IFNA21: variants seen among roughly 807,000 people sequenced by gnomAD.
IFNA21 encodes interferon alpha-21.
For synonymous variants in IFNA21, 101 were observed against 82.9 expected, an observed-to-expected ratio of 1.22 and a Z score of -1.19; for missense variants, 272 against 212.7, an observed-to-expected ratio of 1.28 and a Z score of -1.73.
In IFNA21 at chr9:21,165,964, G is replaced by A; in HGVS notation, c.*79C>T. The A allele has an allele frequency of 6.6e-7, 1 of 1,505,940 alleles. No individual in the cohort carries two copies. The highest frequency in any genetic ancestry group is 9.0e-7 in the Non-Finnish European group (1 of 1,117,104). 93.3% of individuals were successfully genotyped at this position (1,505,940 alleles called of 1,614,324 possible). On this transcript the variant is annotated 3_prime_UTR_variant, in exon 1 of 1. Coordinates refer to ENST00000380225, the MANE Select transcript of IFNA21 (RefSeq NM_002175.2). ...CATGCGGTGGTTATAGGAGAAATGAGTCTTTGAAATGGCAGAAGTCATAGA... is the reference window on the plus strand; with the variant it reads ...CATGCGGTGGTTATAGGAGAAATGAATCTTTGAAATGGCAGAAGTCATAGA...
At position 21,166,649 on chromosome 9, in the gene IFNA21, G is replaced by C; in HGVS notation, c.-37C>G. On this transcript the variant is annotated 5_prime_UTR_variant, in exon 1 of 1. Coordinates refer to ENST00000380225, the MANE Select transcript of IFNA21 (RefSeq NM_002175.2). Reference sequence around the variant, plus strand: ...CAATATTGCTAGGCTACTTGAGATGGGTAACCTTGAACCTTGGCCTCTAGG... The same window carrying C: ...CAATATTGCTAGGCTACTTGAGATGCGTAACCTTGAACCTTGGCCTCTAGG... 5.6e-6 allele frequency: 9 copies of C among 1,593,222 alleles called. No individual in the cohort carries two copies. Among genetic ancestry groups the C allele is most frequent in the Non-Finnish European group, 6.8e-6 (8 of 1,169,730 alleles).
Position 21,166,349 on chromosome 9 carries a change from G to A in IFNA21, c.264C>T (p.Phe88=). The A allele has an allele frequency of 1.2e-6, 2 of 1,614,134 alleles. No individual in the cohort carries two copies. The highest frequency in any genetic ancestry group is 2.2e-5 in the East Asian group (1 of 44,878). ...ATGAGTCCTTTGTGCTGAAGAGATT[G>A]AAGGTCTGCTGGATCATCTCATGGA... ...SVLHEMIQQT[F]NLFSTKDSSA... Residue 88 remains phenylalanine, a synonymous_variant, in exon 1 of 1, where the codon TTC becomes TTT. Transcript: ENST00000380225.
Position 21,166,526 on chromosome 9 carries a change from G to A in IFNA21, c.87C>T (p.Thr29=), listed in dbSNP as rs1191598103. Residue 29 remains threonine, a synonymous_variant, in exon 1 of 1, where the codon ACC becomes ACT. Transcript: ENST00000380225. ...AGGCCCTCCTATTACCCAGGCTGTG[G>A]GTCTGAGGCAGATCACAGCCCAGAG... is the stretch of plus-strand genomic sequence containing the variant. ...ICSLGCDLPQ[T]HSLGNRRALI... 1.9e-5 allele frequency: 30 copies of A among 1,613,972 alleles called. No individual in the cohort carries two copies. The highest frequency in any genetic ancestry group is 1.1e-4 in the East Asian group (5 of 44,892).
At position 21,166,440 on chromosome 9, in the gene IFNA21, T is replaced by G. The variant is rs776380347; in HGVS notation, c.173A>C (p.Asp58Ala). ...AAACTCCTCCTGGGGGAATCCAAAGTCATGTCTGTCCTTCAGGCAGGAGAA... is the reference window on the plus strand; with the variant it reads ...AAACTCCTCCTGGGGGAATCCAAAGGCATGTCTGTCCTTCAGGCAGGAGAA... ...SPFSCLKDRH[D>A]FGFPQEEFDG... The change falls in exon 1 of 1, where the codon GAC (aspartate) becomes GCC (alanine). Residue 58 changes from aspartate to alanine, a missense_variant. Asp to Ala is a moderately radical substitution (Grantham distance 126). Transcript: ENST00000380225. The G allele has an allele frequency of 8.7e-6, 14 of 1,614,012 alleles. No homozygotes were observed. The African/African-American group carries it at 1.9e-4, about 22-fold the overall frequency.
In IFNA21 at chr9:21,166,161, G is replaced by T. The variant is rs1225464937; in HGVS notation, c.452C>A (p.Thr151Asn). Residue 151 changes from threonine to asparagine, a missense_variant, in exon 1 of 1, where the codon ACT (threonine) becomes AAT (asparagine). Transcript: ENST00000380225. The part of the protein sequence containing the change: ...LAVKKYFQRI[T>N]LYLTEKKYSP... ...GTATTTCTTCTCTGTCAGATAAAGA[G>T]TGATTCTTTGGAAGTATTTCTTCAC... is the stretch of plus-strand genomic sequence containing the variant. 6.2e-7 allele frequency: 1 copy of T among 1,614,174 alleles called. No homozygotes were observed. Among genetic ancestry groups the T allele is most frequent in the Non-Finnish European group, 8.5e-7 (1 of 1,180,026 alleles).
chr9:21,166,622 G>T lies in IFNA21; in HGVS notation c.-10C>A. 1 of 1,608,442 alleles carries T rather than the reference G, an allele frequency of 6.2e-7. No individual in the cohort carries two copies. The highest frequency in any genetic ancestry group is 8.5e-7 in the Non-Finnish European group (1 of 1,177,010). The stretch of plus-strand genomic sequence containing the variant: ...AAAAGGACAGGGCCATTGGGATGTT[G>T]CCAATATTGCTAGGCTACTTGAGAT... On this transcript the variant is annotated 5_prime_UTR_variant, in exon 1 of 1. Coordinates refer to ENST00000380225, the MANE Select transcript of IFNA21 (RefSeq NM_002175.2).
chr9:21,166,274 G>A lies in IFNA21; in HGVS notation c.339C>T (p.Asn113=), dbSNP rs773828951. 1.2e-6 allele frequency: 2 copies of A among 1,614,126 alleles called. No individual in the cohort carries two copies. The highest frequency in any genetic ancestry group is 2.2e-5 in the East Asian group (1 of 44,870). ...SLLEKFSTEL[N]QQLNDLEACV... is the part of the protein sequence containing the mutation. ...AGGCTTCCAGGTCATTCAGCTGCTG[G>A]TTAAGTTCAGTGGAAAATTTTTCTA... is the stretch of plus-strand genomic sequence containing the variant. Residue 113 remains asparagine (N), a synonymous_variant, in exon 1 of 1, where the codon AAC becomes AAT. Coordinates refer to ENST00000380225, the MANE Select transcript of IFNA21 (RefSeq NM_002175.2).
Position 21,166,531 on chromosome 9 carries a change from G to C in IFNA21, c.82C>G (p.Gln28Glu). Reference protein sequence around the residue: ...SICSLGCDLPQTHSLGNRRAL... With the variant: ...SICSLGCDLPETHSLGNRRAL... Reference sequence around the variant, plus strand: ...CTCCTATTACCCAGGCTGTGGGTCTGAGGCAGATCACAGCCCAGAGAACAG... The same window carrying C: ...CTCCTATTACCCAGGCTGTGGGTCTCAGGCAGATCACAGCCCAGAGAACAG... Residue 28 changes from glutamine (Q) to glutamate (E), a missense_variant, in exon 1 of 1, where the codon CAG (glutamine) becomes GAG (glutamate). Gln to Glu is a conservative substitution (Grantham distance 29). Transcript: ENST00000380225. 4 of 1,614,142 alleles carry C rather than the reference G, an allele frequency of 2.5e-6. No individual in the cohort carries two copies. Among genetic ancestry groups the C allele is most frequent in the Non-Finnish European group, 2.5e-6 (3 of 1,180,020 alleles).
Position 21,166,605 on chromosome 9 carries a change from A to T in IFNA21, c.8T>A (p.Leu3Gln). MALSFSLLMAVLV... is the reference protein window; with the variant it reads MAQSFSLLMAVLV... The stretch of plus-strand genomic sequence containing the variant: ...CACGGCCATCAGTAAAGAAAAGGAC[A>T]GGGCCATTGGGATGTTGCCAATATT... Residue 3 changes from leucine (L) to glutamine (Q), a missense_variant, in exon 1 of 1, where the codon CTG becomes CAG. Physicochemically the swap from Leu to Gln is moderately radical, Grantham distance 113. Transcript: ENST00000380225. The T allele has an allele frequency of 6.2e-7, 1 of 1,611,808 alleles. No homozygotes were observed. The highest frequency in any genetic ancestry group is 8.5e-7 in the Non-Finnish European group (1 of 1,178,734).
chr9:21,166,095 C>G lies in IFNA21; in HGVS notation c.518G>C (p.Arg173Thr). ...AAAAATTTTTGATAAAGAGAAGGAT[C>G]TCATGATTTCTGCTCTGACAACCTC... ...AWEVVRAEIM[R>T]SFSLSKIFQE... The change falls in exon 1 of 1, where the codon AGA becomes ACA. Residue 173 changes from arginine (R) to threonine (T), a missense_variant. Physicochemically the swap from Arg to Thr is moderately conservative, Grantham distance 71 (BLOSUM62 -1). Coordinates refer to ENST00000380225, the MANE Select transcript of IFNA21 (RefSeq NM_002175.2). The G allele has an allele frequency of 6.2e-7, 1 of 1,614,030 alleles. No homozygotes were observed. The highest frequency in any genetic ancestry group is 8.5e-7 in the Non-Finnish European group (1 of 1,179,992).
At position 21,165,938 on chromosome 9, in the gene IFNA21, T is replaced by C; in HGVS notation, c.*105A>G. 7.1e-7 allele frequency: 1 copy of C among 1,411,750 alleles called. No homozygotes were observed. The highest frequency in any genetic ancestry group is 2.3e-5 in the Admixed American group (1 of 42,708). 87.5% of individuals were successfully genotyped at this position (1,411,750 alleles called of 1,614,324 possible). On this transcript the variant is annotated 3_prime_UTR_variant, in exon 1 of 1. Coordinates refer to ENST00000380225, the MANE Select transcript of IFNA21 (RefSeq NM_002175.2). ...AAAGATCTGAAAATTTTGATTCAAC[T>C]CATGCGGTGGTTATAGGAGAAATGA...
At position 21,166,630 on chromosome 9, in the gene IFNA21, T is replaced by C; in HGVS notation, c.-18A>G. 1.2e-6 allele frequency: 2 copies of C among 1,605,708 alleles called. No individual in the cohort carries two copies. Among genetic ancestry groups the C allele is most frequent in the Non-Finnish European group, 1.7e-6 (2 of 1,175,536 alleles). ...AGGGCCATTGGGATGTTGCCAATAT[T>C]GCTAGGCTACTTGAGATGGGTAACC... On this transcript the variant is annotated 5_prime_UTR_variant, in exon 1 of 1. Transcript: ENST00000380225.
rs1819658401 is a variant in IFNA21, at chr9:21,166,020, T to A, written c.*23A>T. 10 of 1,609,228 alleles carry A rather than the reference T, an allele frequency of 6.2e-6. No homozygotes were observed. The Admixed American group carries it at 8.4e-5, about 14-fold the overall frequency. ...GGACTGGTGTATTAGTCAATACAGA[T>A]CATTTCCATGTTGAAACAGGTTTCA... On this transcript the variant is annotated 3_prime_UTR_variant, in exon 1 of 1. Transcript: ENST00000380225.
chr9:21,166,318 T>A lies in IFNA21; in HGVS notation c.295A>T (p.Thr99Ser), dbSNP rs556420955. 1.9e-6 allele frequency: 3 copies of A among 1,614,030 alleles called. No individual in the cohort carries two copies. The highest frequency in any genetic ancestry group is 3.3e-5 in the Admixed American group (2 of 59,994). Residue 99 changes from threonine (T) to serine (S), a missense_variant, in exon 1 of 1, where the codon ACT (threonine) becomes TCT (serine). By Grantham distance (58) the Thr-to-Ser change is moderately conservative (BLOSUM62 1). Coordinates refer to ENST00000380225, the MANE Select transcript of IFNA21 (RefSeq NM_002175.2). Reference sequence around the variant, plus strand: ...TTTTCTAGGAGGCTCTGTTCCCAAGTAGCAGATGAGTCCTTTGTGCTGAAG... The same window carrying A: ...TTTTCTAGGAGGCTCTGTTCCCAAGAAGCAGATGAGTCCTTTGTGCTGAAG... Reference protein sequence around the residue: ...NLFSTKDSSATWEQSLLEKFS... With the variant: ...NLFSTKDSSASWEQSLLEKFS...
Position 21,165,857 on chromosome 9 carries a change from ATC to A in IFNA21, c.*184_*185del. Reference sequence around the variant, plus strand: ...GATAATTAGATCTATCAGCATGGTCATCTGTAAAGGACTAGTGCCTGCACAGG... The same window carrying A: ...GATAATTAGATCTATCAGCATGGTCATGTAAAGGACTAGTGCCTGCACAGG... On this transcript the variant is annotated 3_prime_UTR_variant, in exon 1 of 1. Transcript: ENST00000380225. 1 of 547,974 alleles carries A rather than the reference ATC, an allele frequency of 1.8e-6. No homozygotes were observed. 33.9% of individuals were successfully genotyped at this position (547,974 alleles called of 1,614,324 possible). A position where few individuals can be genotyped will look rare whatever the true frequency, so the allele number is the denominator to read the frequency against.
chr9:21,166,100 G>A lies in IFNA21; in HGVS notation c.513C>T (p.Ile171=), dbSNP rs1355743494. 6.2e-7 allele frequency: 1 copy of A among 1,613,968 alleles called. No homozygotes were observed. The highest frequency in any genetic ancestry group is 8.5e-7 in the Non-Finnish European group (1 of 1,180,002). The change falls in exon 1 of 1, where the codon ATC becomes ATT. Residue 171 remains isoleucine, a synonymous_variant. Coordinates refer to ENST00000380225, the MANE Select transcript of IFNA21 (RefSeq NM_002175.2). ...TTTTTGATAAAGAGAAGGATCTCAT[G>A]ATTTCTGCTCTGACAACCTCCCAGG... ...PCAWEVVRAE[I]MRSFSLSKIF... is the part of the protein sequence containing the mutation.
chr9:21,165,688 A>C lies in IFNA21; in HGVS notation c.*355T>G, dbSNP rs1819654123. 6.5e-6 allele frequency: 1 copy of C among 153,180 alleles called. No homozygotes were observed. Among genetic ancestry groups the C allele is most frequent in the Non-Finnish European group, 1.5e-5 (1 of 68,892 alleles). The allele number at this position is 153,180 out of a possible 1,614,324, so 9.5% of individuals were successfully genotyped here. ...TAAACAAATAATATAAGAAGTTTTA[A>C]TAGTAAAAATTAATAAAAAGAAAAT... On this transcript the variant is annotated 3_prime_UTR_variant, in exon 1 of 1. Transcript: ENST00000380225.
rs1028285195 is a variant in IFNA21 at position 21,165,850 on chromosome 9, C to T, written c.*193G>A. 1 of 509,448 alleles carries T rather than the reference C, an allele frequency of 2.0e-6. No individual in the cohort carries two copies. Among genetic ancestry groups the T allele is most frequent in the Non-Finnish European group, 3.3e-6 (1 of 300,158 alleles). The allele number at this position is 509,448 out of a possible 1,614,324, so 31.6% of individuals were successfully genotyped here. A position where few individuals can be genotyped will look rare whatever the true frequency, so the allele number is the denominator to read the frequency against. On this transcript the variant is annotated 3_prime_UTR_variant, in exon 1 of 1. Coordinates refer to ENST00000380225, the MANE Select transcript of IFNA21 (RefSeq NM_002175.2). ...ATAGATAGATAATTAGATCTATCAG[C>T]ATGGTCATCTGTAAAGGACTAGTGC...
chr9:21,166,381 A>G lies in IFNA21; in HGVS notation c.232T>C (p.Ser78Pro). 1 of 1,614,128 alleles carries G rather than the reference A, an allele frequency of 6.2e-7. No homozygotes were observed. Among genetic ancestry groups the G allele is most frequent in the Non-Finnish European group, 8.5e-7 (1 of 1,180,014 alleles). The change falls in exon 1 of 1, where the codon TCT becomes CCT. Residue 78 changes from serine (S) to proline (P), a missense_variant. Coordinates refer to ENST00000380225, the MANE Select transcript of IFNA21 (RefSeq NM_002175.2). ...TGCTGGATCATCTCATGGAGGACAG[A>G]GATGGCTTGAGCCTTCTGGAACTGG... ...GNQFQKAQAI[S>P]VLHEMIQQTF... is the part of the protein sequence containing the mutation.
Sources: gnomAD v4.1 joint callset for allele counts on GRCh38, gnomAD v4.1.1 for gene constraint, MANE v1.5 for transcripts, NCBI Gene and HGNC (gene_info 2026-07-23, HGNC 2026-07-21) for gene names.